FMN2: variants seen among roughly 807,000 people sequenced by gnomAD.
The protein encoded by FMN2 is formin-2.
Under a neutral mutation model 142.3 loss-of-function variants are expected in FMN2, and 51 were observed. That is an observed-to-expected ratio of 0.36 (90% CI 0.29 to 0.45). The LOEUF (loss-of-function observed/expected upper bound fraction) is 0.45, where lower values mean the gene tolerates loss of function less well. Ranked by LOEUF, FMN2 falls within the 20% of genes least tolerant of loss-of-function variation. FMN2 has a pLI of 1.00. For missense variants in FMN2, 1,936 were observed against 2,122.8 expected (o/e 0.91, Z 1.73); for synonymous variants, 882 against 869.8 (o/e 1.01, Z -0.25).
At chr1:240,290,073 G>A (rs1384471925) in intron 7 of FMN2, among the ~76,000 whole-genome samples, 1 of 152,176 alleles carries the variant, frequency 6.6e-6, no homozygotes, top group African/African-American at 2.4e-5. Context: ...GCACAGTCAA[G>A]AGTGGGACTG....
chr1:240,410,671 A>G lies in FMN2; in HGVS notation c.4910+18109A>G, dbSNP rs559232924. Among the ~76,000 whole-genome samples the G allele has an allele frequency of 8.5e-5, 13 of 152,354 alleles. No individual in the cohort carries two copies. In the South Asian group the frequency reaches 1.7e-3, roughly 19 times the overall value. ...TTTGTCAGCATCATAGCCACAGAAT[A>G]TTAACATTTGTTTCTATTTCTGCTA... On this transcript the variant is annotated intron_variant, in intron 15 of 17. Transcript: ENST00000319653.
chr1:240,285,852 A>G (rs1035033887), intron 7 of FMN2, among the ~76,000 whole-genome samples: 7 of 152,112 alleles, frequency 4.6e-5, no homozygotes, highest in African/African-American at 1.7e-4. Context: ...ACAAGTATTG[A>G]CGACACTTTG....
intron 15 of FMN2, among the ~76,000 whole-genome samples, chr1:240,396,303 C>T (rs1023604394): frequency 5.6e-5 from 8 of 142,828 alleles, no homozygotes; most frequent in South Asian, 2.3e-4. Context: ...CCGAGGTTTT[C>T]GTGTGTGTGT....
At chr1:240,445,906 G>A (rs555788068) in intron 16 of FMN2, among the ~76,000 whole-genome samples, 27 of 152,188 alleles carry the variant, frequency 1.8e-4, no homozygotes, top group African/African-American at 6.5e-4. Flanking sequence ...AGGTGAATTT[G>A]AGATATATTT....
intron 6 of FMN2, among the ~76,000 whole-genome samples, chr1:240,224,431 G>A (rs555510076): frequency 3.8e-5 from 5 of 132,504 alleles, no homozygotes; most frequent in Admixed American, 3.5e-4. Context: ...GAATAAGTGC[G>A]ATGTGGTGCT....
intron 4 of FMN2, among the ~76,000 whole-genome samples, chr1:240,194,372 A>G (rs1665833967): frequency 6.6e-6 from 1 of 152,232 alleles, no homozygotes; most frequent in Admixed American, 6.5e-5. Flanking sequence ...CATTAGTTAA[A>G]ATGGTAAGGA....
At chr1:240,159,972 T>TACACACACACAC (rs767025880) in intron 2 of FMN2, among the ~76,000 whole-genome samples, 7 of 126,476 alleles carry the variant, frequency 5.5e-5, no homozygotes, top group African/African-American at 1.9e-4. Flanking sequence ...TATATATATA[T>TACACACACACAC]ATACACACAC....
chr1:240,231,117 C>A (rs554885477), intron 6 of FMN2, among the ~76,000 whole-genome samples: 2 of 131,730 alleles, frequency 1.5e-5, no homozygotes, highest in South Asian at 4.7e-4. Context: ...GTAATGCCAG[C>A]CTTCTTCTCA....
At chr1:240,346,570 A>T (rs1438853102) in intron 13 of FMN2, among the ~76,000 whole-genome samples, 1 of 152,224 alleles carries the variant, frequency 6.6e-6, no homozygotes, top group Non-Finnish European at 1.5e-5. Context: ...AGAGAAACAC[A>T]CTGAATTTTT....
chr1:240,396,513 G>T lies in FMN2; in HGVS notation c.4910+3951G>T, dbSNP rs182744389. On this transcript the variant is annotated intron_variant, in intron 15 of 17. Coordinates refer to ENST00000319653, the MANE Select transcript of FMN2 (RefSeq NM_020066.5). ...GTACACGTGCAGGTTTGTTACATGGGTACATTGCACGACACTGAGGCTTAG... is the reference window on the plus strand; with the variant it reads ...GTACACGTGCAGGTTTGTTACATGGTTACATTGCACGACACTGAGGCTTAG... Among the ~76,000 whole-genome samples the T allele has an allele frequency of 1.5e-3, 223 of 151,752 alleles. 1 individual carries two copies. The highest frequency in any genetic ancestry group is 5.1e-3 in the African/African-American group (210 of 41,340).
intron 4 of FMN2, among the ~76,000 whole-genome samples, chr1:240,199,613 AC>A (rs2103369069): frequency 6.6e-6 from 1 of 152,276 alleles, no homozygotes; most frequent in East Asian, 1.9e-4. Flanking sequence ...AACCATCACC[AC>A]CCACATATAA....
intron 6 of FMN2, among the ~76,000 whole-genome samples, chr1:240,228,163 T>C (rs1471801856): frequency 1.3e-5 from 2 of 150,462 alleles, no homozygotes; most frequent in African/African-American, 4.9e-5. Context: ...ATTAGCTAGG[T>C]GTGGTGGCAC....
Position 240,208,668 on chromosome 1 carries a change from C to T in FMN2, c.3856C>T (p.Pro1286Ser), listed in dbSNP as rs777024078. ...TCAGGACAAAGGGAGTAGGAAGCAGCCCATAGAGCCTTGTCGACCAATGAA... is the reference window on the plus strand; with the variant it reads ...TCAGGACAAAGGGAGTAGGAAGCAGTCCATAGAGCCTTGTCGACCAATGAA... ...MNQDKGSRKQPIEPCRPMKPL... is the reference protein window; with the variant it reads ...MNQDKGSRKQSIEPCRPMKPL... The change falls in exon 5 of 18, where the codon CCC (proline) becomes TCC (serine). Residue 1286 changes from proline (P) to serine (S), a missense_variant. Pro to Ser is a moderately conservative substitution (Grantham distance 74). This residue lies in a region of FMN2 where 259 missense variants were observed against 230.9 expected (regional missense o/e 1.12). Transcript: ENST00000319653. 5 of 1,613,722 alleles carry T rather than the reference C, an allele frequency of 3.1e-6. No individual in the cohort carries two copies. The highest frequency in any genetic ancestry group is 4.2e-6 in the Non-Finnish European group (5 of 1,180,008).
intron 2 of FMN2, among the ~76,000 whole-genome samples, chr1:240,151,916 A>G (rs186172226): frequency 2.2e-4 from 34 of 152,140 alleles, no homozygotes; most frequent in Non-Finnish European, 4.4e-4. Flanking sequence ...GCAGATGTGC[A>G]CCACCTAGCC....
chr1:240,306,367 C>G (rs1490916772), intron 8 of FMN2, among the ~76,000 whole-genome samples: 2 of 152,184 alleles, frequency 1.3e-5, no homozygotes, highest in East Asian at 1.9e-4. Flanking sequence ...TCCGTTAATC[C>G]CATAACCCAG....
At chr1:240,144,524 C>T (rs1042608347) in intron 2 of FMN2, 68 of 1,469,622 alleles carry the variant, frequency 4.6e-5, no homozygotes, top group Non-Finnish European at 5.9e-5. Flanking sequence ...CACATCCTCG[C>T]AGGATGTGAA....
intron 1 of FMN2, among the ~76,000 whole-genome samples, chr1:240,108,528 C>A (rs540523507): frequency 6.6e-6 from 1 of 152,196 alleles, no homozygotes; most frequent in African/African-American, 2.4e-5. Context: ...CTTATTTCCT[C>A]CTAATATTTC....
intron 11 of FMN2, among the ~76,000 whole-genome samples, chr1:240,332,724 TC>T (rs985902113): frequency 2.0e-5 from 3 of 152,200 alleles, no homozygotes; most frequent in Non-Finnish European, 4.4e-5. Flanking sequence ...TACAAAGTCT[TC>T]CTGAATTGGT....
chr1:240,258,119 T>TA (rs753389216), intron 7 of FMN2, 87 bp downstream of exon 7: 2 of 1,049,560 alleles, frequency 1.9e-6, no homozygotes, highest in South Asian at 2.8e-5. Flanking sequence ...ATTTCAAACT[T>TA]AGAGTTTCTG....
Sources: allele counts gnomAD v4.1 joint callset (sites outside exome capture counted in the v4.1 genomes callset), GRCh38; gene constraint gnomAD v4.1.1; regional missense constraint gnomAD v4.1.1; transcripts MANE v1.5; gene names NCBI Gene and HGNC (gene_info 2026-07-23, HGNC 2026-07-21).